The following SCN3A variants were observed in gnomAD, a reference collection of about 807,000 sequenced individuals.
SCN3A encodes the protein sodium channel protein type 3 subunit alpha.
Under a neutral mutation model 187.6 loss-of-function variants are expected in SCN3A, and 60 were observed. The observed-to-expected ratio is 0.32, with a 90% CI of 0.26 to 0.40. The LOEUF is 0.40. SCN3A is among the 10% of genes least tolerant of loss of function. SCN3A has a pLI of 1.00. For missense variants in SCN3A, 1,601 were observed against 2,428.2 expected (o/e 0.66, Z 7.16); for synonymous variants, 788 against 829.2 (o/e 0.95, Z 0.85).
At position 165,115,538 on chromosome 2, in the gene SCN3A, A is replaced by C. The variant is rs768613952; in HGVS notation, c.3431T>G (p.Val1144Gly). The C allele has an allele frequency of 4.0e-5, 64 of 1,613,464 alleles. 1 individual carries two copies. Among genetic ancestry groups the C allele is most frequent in the Non-Finnish European group, 1.7e-6 (2 of 1,179,616 alleles). ...ACCTTCTCGGGGTAGAACAACATCA[A>C]CTGTGCTTCCTTCAGATGAGCTGGT... ...NATSSSEGSTVDVVLPREGEQ... is the reference protein window; with the variant it reads ...NATSSSEGSTGDVVLPREGEQ... Residue 1144 changes from valine (V) to glycine (G), a missense_variant, in exon 19 of 28, where the codon GTT (valine) becomes GGT (glycine). Val to Gly is a moderately radical substitution (Grantham distance 109, BLOSUM62 -3). Transcript: ENST00000283254.
intron 1 of SCN3A, chr2:165,195,304 T>C (rs1329586277): frequency 2.0e-5 from 3 of 152,142 alleles, no homozygotes; most frequent in African/African-American, 2.4e-5. Flanking sequence ...GTGTGCCAGG[T>C]GTGCCACCTG....
intron 18 of SCN3A, among the ~76,000 whole-genome samples, chr2:165,124,688 G>T (rs917857971): frequency 2.0e-4 from 30 of 152,056 alleles, no homozygotes; most frequent in African/African-American, 7.2e-4. Flanking sequence ...ACATAAACTG[G>T]GTAGCCCTTT....
chr2:165,202,135 T>C (rs1692362289), intron 1 of SCN3A, among the ~76,000 whole-genome samples: 1 of 152,068 alleles, frequency 6.6e-6, no homozygotes, highest in African/African-American at 2.4e-5. Flanking sequence ...GAGTAAGTTA[T>C]TCAAATGTGT....
intron 2 of SCN3A, 48 bp from the exon 3 acceptor site, chr2:165,176,492 G>A: frequency 6.8e-7 from 1 of 1,460,538 alleles, no homozygotes; most frequent in Non-Finnish European, 9.5e-7. Context: ...CAAGCGATTG[G>A]GCATAAGAAC....
chr2:165,103,683 T>C (rs1685716436), intron 21 of SCN3A, among the ~76,000 whole-genome samples: 1 of 152,138 alleles, frequency 6.6e-6, no homozygotes, highest in Non-Finnish European at 1.5e-5. Flanking sequence ...ATGGAGTTGA[T>C]GGTTCCAAAG....
At chr2:165,114,968 G>C (rs1381697763) in intron 19 of SCN3A, among the ~76,000 whole-genome samples, 1 of 152,134 alleles carries the variant, frequency 6.6e-6, no homozygotes, top group East Asian at 1.9e-4. Context: ...GAAATCTAGA[G>C]AGATTAACTT....
chr2:165,194,210 A>G (rs1691791889), intron 1 of SCN3A, among the ~76,000 whole-genome samples: 1 of 152,158 alleles, frequency 6.6e-6, no homozygotes, highest in Admixed American at 6.5e-5. Flanking sequence ...GATATATTGA[A>G]CACATGAGAT....
At chr2:165,128,365 A>G (rs925464429) in intron 17 of SCN3A, among the ~76,000 whole-genome samples, 2 of 152,084 alleles carry the variant, frequency 1.3e-5, no homozygotes, top group East Asian at 3.9e-4. Flanking sequence ...TAAGATTTAA[A>G]TGGTGTCTAC....
At chr2:165,094,914 G>A (rs762230419) in intron 25 of SCN3A, among the ~76,000 whole-genome samples, 1 of 152,150 alleles carries the variant, frequency 6.6e-6, no homozygotes, top group East Asian at 1.9e-4. Context: ...AACTGAAAAC[G>A]TAGGTGGACA....
chr2:165,118,597 T>G (rs530276893), intron 18 of SCN3A, among the ~76,000 whole-genome samples: 1 of 152,006 alleles, frequency 6.6e-6, no homozygotes, highest in Admixed American at 6.6e-5. Flanking sequence ...CTTTTTTTTT[T>G]CCCCCTTGGG....
At chr2:165,177,742 G>C (rs190711901) in intron 2 of SCN3A, among the ~76,000 whole-genome samples, 23 of 152,252 alleles carry the variant, frequency 1.5e-4, no homozygotes, top group African/African-American at 5.5e-4. Context: ...AAATCTATTT[G>C]CAGGATACAT....
chr2:165,148,549 G>T (rs532620353), intron 11 of SCN3A, among the ~76,000 whole-genome samples: 108 of 151,976 alleles, frequency 7.1e-4, no homozygotes, highest in African/African-American at 2.5e-3. Flanking sequence ...TTACTATGCT[G>T]CAAATTCTCT....
At position 165,089,359 on chromosome 2, in the gene SCN3A, A is replaced by G. The variant is rs1177999318; in HGVS notation, c.*791T>C. ...AGCAATACTTTAGATATATTTTTCT[A>G]GAATGGATTTATTAGATTACTTTTT... On this transcript the variant is annotated 3_prime_UTR_variant, in exon 28 of 28. Coordinates refer to ENST00000283254, the MANE Select transcript of SCN3A (RefSeq NM_006922.4). 1 of 152,660 alleles carries G rather than the reference A, an allele frequency of 6.6e-6. No homozygotes were observed. Among genetic ancestry groups the G allele is most frequent in the Non-Finnish European group, 1.5e-5 (1 of 68,032 alleles). The allele number at this position is 152,660 out of a possible 1,614,324, so 9.5% of individuals were successfully genotyped here.
chr2:165,188,671 CCAGGTA>C (rs3030589), intron 1 of SCN3A, among the ~76,000 whole-genome samples: 97,323 of 150,678 alleles, frequency 0.65, 32,000 homozygotes, highest in East Asian at 0.78. Context: ...ACCTGTAATC[CCAGGTA>C]CAGGTACTCA....
At chr2:165,166,825 A>C (rs1196403625) in intron 5 of SCN3A, among the ~76,000 whole-genome samples, 1 of 152,194 alleles carries the variant, frequency 6.6e-6, no homozygotes, top group African/African-American at 2.4e-5. Context: ...TAAAGCTAAG[A>C]CTGCCTTCAT....
Position 165,092,767 on chromosome 2 carries a change from TA to T in SCN3A, c.4537-244del. On this transcript the variant is annotated intron_variant, in intron 26 of 27. Transcript: ENST00000283254. This position sits in a 1 kb window ranked among gnomAD's most constrained non-coding sequence, Gnocchi z 4.2. ...TGGAAAGACAAAGCTGGATGAGACA[TA>T]AATTAAGGCTGGGCGTGGCAACTCA... 2.1e-6 allele frequency: 1 copy of T among 469,716 alleles called. No homozygotes were observed. Among genetic ancestry groups the T allele is most frequent in the South Asian group, 2.5e-5 (1 of 40,648 alleles). 29.1% of individuals were successfully genotyped at this position (469,716 alleles called of 1,614,324 possible).
intron 11 of SCN3A, among the ~76,000 whole-genome samples, chr2:165,147,422 C>T (rs534967236): frequency 6.6e-6 from 1 of 152,130 alleles, no homozygotes; most frequent in East Asian, 1.9e-4. Context: ...GTGTGCACTT[C>T]TGAGCAGCTG....
chr2:165,153,987 ATT>A (rs71393659), intron 11 of SCN3A, among the ~76,000 whole-genome samples: 31 of 92,764 alleles, frequency 3.3e-4, no homozygotes, highest in Middle Eastern at 8.1e-3. Context: ...TATAGCAAAC[ATT>A]TTTTTTTTTT....
intron 2 of SCN3A, among the ~76,000 whole-genome samples, chr2:165,177,220 C>T (rs767360971): frequency 1.3e-5 from 2 of 152,268 alleles, no homozygotes; most frequent in Non-Finnish European, 2.9e-5. Context: ...ACAATTTTGA[C>T]GTTTTCCCTG....
Sources: gnomAD v4.1 joint callset for allele counts (sites outside exome capture counted in the v4.1 genomes callset) on GRCh38, gnomAD v4.1.1 for gene constraint, Gnocchi (gnomAD v3.1) non-coding constraint, MANE v1.5 for transcripts, NCBI Gene and HGNC (gene_info 2026-07-23, HGNC 2026-07-21) for gene names.